BTRC: variants seen among roughly 807,000 people sequenced by gnomAD.
BTRC encodes the protein beta-transducin repeat containing E3 ubiquitin protein ligase, also known as F-box/WD repeat-containing protein 1A.
BTRC carries 42 observed loss-of-function variants against 85.5 expected under a neutral mutation model. The ratio of observed to expected loss-of-function variants is 0.49; its 90% CI spans 0.38 to 0.64. The LOEUF is 0.64. Among genes scored for constraint, BTRC ranks in the 30% least tolerant of loss-of-function variants. The pLI, the probability that BTRC is intolerant of heterozygous loss-of-function variation, is 0.00. For missense variants in BTRC, 594 were observed against 743.5 expected (o/e 0.80, Z 2.34); for synonymous variants, 255 against 263.3 (o/e 0.97, Z 0.30).
chr10:101,422,279 GT>G (rs1237177074), intron 1 of BTRC, among the ~76,000 whole-genome samples: 1 of 152,186 alleles, frequency 6.6e-6, no homozygotes, highest in Non-Finnish European at 1.5e-5. Flanking sequence ...CTTCTGAGAA[GT>G]GTCTGTTCAT....
chr10:101,519,074 C>CTTTTT (rs35213665), intron 4 of BTRC, among the ~76,000 whole-genome samples: 4 of 104,946 alleles, frequency 3.8e-5, no homozygotes, highest in Admixed American at 1.1e-4. Flanking sequence ...CTCTTCTCAG[C>CTTTTT]TTTTTTTTTT....
At chr10:101,389,881 T>C (rs1943193080) in intron 1 of BTRC, among the ~76,000 whole-genome samples, 1 of 152,152 alleles carries the variant, frequency 6.6e-6, no homozygotes, top group South Asian at 2.1e-4. Flanking sequence ...TACCTCAGCC[T>C]TCCAAAGTGT....
intron 1 of BTRC, among the ~76,000 whole-genome samples, chr10:101,375,304 G>T (rs1177024434): frequency 6.6e-6 from 1 of 151,692 alleles, no homozygotes; most frequent in Non-Finnish European, 1.5e-5. Context: ...TCCTGCTTCG[G>T]CCATATAAGA....
intron 1 of BTRC, among the ~76,000 whole-genome samples, chr10:101,396,651 G>A (rs1943371434): frequency 6.6e-6 from 1 of 151,906 alleles, no homozygotes. Flanking sequence ...AATCATGTTG[G>A]TATTGCTGTC....
intron 4 of BTRC, among the ~76,000 whole-genome samples, chr10:101,515,656 C>T (rs747334707): frequency 2.8e-4 from 42 of 152,122 alleles, no homozygotes; most frequent in Admixed American, 6.5e-4. Context: ...GGGCTACAGG[C>T]ATGTACCACC....
intron 1 of BTRC, among the ~76,000 whole-genome samples, chr10:101,377,817 T>C (rs765658556): frequency 3.3e-5 from 5 of 152,172 alleles, no homozygotes; most frequent in Non-Finnish European, 7.3e-5. Flanking sequence ...CTGAAGCCTA[T>C]CTACAAAGTT....
chr10:101,538,195 C>A, intron 12 of BTRC, 98 bp from the exon 13 acceptor site: 3 of 981,898 alleles, frequency 3.1e-6, no homozygotes, highest in Non-Finnish European at 4.9e-6. Context: ...GAACTATACT[C>A]ACCATCCATA....
intron 1 of BTRC, chr10:101,354,481 G>A (rs1281290161): frequency 4.0e-6 from 2 of 504,432 alleles, no homozygotes; most frequent in East Asian, 3.6e-5. Context: ...AATCGAGGAG[G>A]GGGCTCCAGG....
At chr10:101,449,951 G>C (rs1194245819) in intron 2 of BTRC, among the ~76,000 whole-genome samples, 1 of 149,904 alleles carries the variant, frequency 6.7e-6, no homozygotes, top group Non-Finnish European at 1.5e-5. Flanking sequence ...TTAATAAGTA[G>C]ATGTAGTTTT....
At chr10:101,530,963 A>G (rs2062271380) in intron 6 of BTRC, among the ~76,000 whole-genome samples, 1 of 152,182 alleles carries the variant, frequency 6.6e-6, no homozygotes, top group Non-Finnish European at 1.5e-5. Context: ...ATTTGAGGCC[A>G]GGAGTTCAAG....
At chr10:101,435,757 T>C (rs1944511907) in intron 2 of BTRC, among the ~76,000 whole-genome samples, 1 of 152,214 alleles carries the variant, frequency 6.6e-6, no homozygotes, top group East Asian at 1.9e-4. Flanking sequence ...TTTTTAACTT[T>C]AAAAGAGACA....
intron 1 of BTRC, among the ~76,000 whole-genome samples, chr10:101,410,404 C>A (rs900433821): frequency 6.6e-6 from 1 of 152,116 alleles, no homozygotes; most frequent in Non-Finnish European, 1.5e-5. Flanking sequence ...ATCATGAGGT[C>A]AGGAGTTGGA....
At chr10:101,387,528 CTTTTTTTTTT>C (rs535656002) in intron 1 of BTRC, among the ~76,000 whole-genome samples, 1 of 45,122 alleles carries the variant, frequency 2.2e-5, no homozygotes, top group African/African-American at 1.5e-4. Context: ...CTTCATGGGA[CTTTTTTTTTT>C]TTTTTTTTGA....
chr10:101,445,505 A>G (rs1184078868), intron 2 of BTRC, among the ~76,000 whole-genome samples: 1 of 152,206 alleles, frequency 6.6e-6, no homozygotes, highest in Non-Finnish European at 1.5e-5. Flanking sequence ...GCAGGGACAT[A>G]GTGATTGGAG....
intron 1 of BTRC, among the ~76,000 whole-genome samples, chr10:101,414,310 A>G (rs1462389574): frequency 1.3e-5 from 2 of 152,126 alleles, no homozygotes; most frequent in African/African-American, 4.8e-5. Flanking sequence ...AAAAATTCCT[A>G]TCACCTAGTG....
intron 5 of BTRC, among the ~76,000 whole-genome samples, chr10:101,524,417 C>A (rs10509751): frequency 6.6e-6 from 1 of 152,138 alleles, no homozygotes; most frequent in African/African-American, 2.4e-5. Flanking sequence ...ATATTGATCC[C>A]TGGTTTGTAT....
chr10:101,398,653 C>T (rs1210359771), intron 1 of BTRC, among the ~76,000 whole-genome samples: 1 of 152,194 alleles, frequency 6.6e-6, no homozygotes, highest in Non-Finnish European at 1.5e-5. Context: ...TGAACATTAT[C>T]TGAGTGTGAG....
intron 1 of BTRC, among the ~76,000 whole-genome samples, chr10:101,429,504 T>TA (rs1554876353): frequency 1.3e-5 from 1 of 75,752 alleles, no homozygotes; most frequent in Non-Finnish European, 2.4e-5. Context: ...TCCTCTCCCC[T>TA]CCCCCCCTCC....
chr10:101,381,402 C>A (rs2133960126), intron 1 of BTRC, among the ~76,000 whole-genome samples: 1 of 152,258 alleles, frequency 6.6e-6, no homozygotes, highest in East Asian at 1.9e-4. Flanking sequence ...TAACCATGTT[C>A]CTTAATTTCC....
Sources: allele counts gnomAD v4.1 joint callset (sites outside exome capture counted in the v4.1 genomes callset), GRCh38; gene constraint gnomAD v4.1.1; transcripts MANE v1.5; gene names NCBI Gene and HGNC (gene_info 2026-07-23, HGNC 2026-07-21).